PCDHA1: variants seen among roughly 807,000 people sequenced by gnomAD.
PCDHA1 encodes the protein protocadherin alpha 1.
Under a neutral mutation model 61.3 loss-of-function variants are expected in PCDHA1, and 42 were observed. The ratio of observed to expected loss-of-function variants is 0.69; its 90% CI spans 0.54 to 0.89. The LOEUF is 0.89. Among genes scored for constraint, PCDHA1 ranks in the 40% least tolerant of loss-of-function variants. PCDHA1 has a pLI of 0.00. For missense variants in PCDHA1, 1,256 were observed against 1,235.3 expected (o/e 1.02, Z -0.25); for synonymous variants, 610 against 553.8 (o/e 1.10, Z -1.43).
At chr5:140,864,390 A>G (rs1314124193) in intron 1 of PCDHA1, 1 of 152,190 alleles carries the variant, frequency 6.6e-6, no homozygotes. Flanking sequence ...ATCTCTCACA[A>G]ATGGTGATGA....
intron 1 of PCDHA1, chr5:140,836,354 C>A (rs2150258506): frequency 1.2e-6 from 2 of 1,613,672 alleles, no homozygotes; most frequent in Admixed American, 3.3e-5. Flanking sequence ...ACGGGGAGCC[C>A]TCGCTGACAG....
At chr5:140,983,340 A>G (rs148799902) in intron 3 of PCDHA1, among the ~76,000 whole-genome samples, 114 of 152,358 alleles carry the variant, frequency 7.5e-4, no homozygotes, top group African/African-American at 2.2e-3. Flanking sequence ...TCACTAAAGC[A>G]GGGTCATGTA....
chr5:140,918,003 T>A (rs1223893662), intron 1 of PCDHA1, among the ~76,000 whole-genome samples: 1 of 152,216 alleles, frequency 6.6e-6, no homozygotes, highest in African/African-American at 2.4e-5. Flanking sequence ...ATCTTAACAA[T>A]GTTGTTTCTT....
At chr5:140,924,839 G>A (rs1049952478) in intron 1 of PCDHA1, among the ~76,000 whole-genome samples, 3 of 150,922 alleles carry the variant, frequency 2.0e-5, no homozygotes, top group Non-Finnish European at 4.4e-5. Context: ...AGGTTGCAGG[G>A]AGCTCAGATC....
At chr5:140,876,859 T>A in intron 1 of PCDHA1, 1 of 1,614,068 alleles carries the variant, frequency 6.2e-7, no homozygotes, top group Non-Finnish European at 8.5e-7. Flanking sequence ...GTACACAGTG[T>A]TCGTGAAGGA....
intron 1 of PCDHA1, among the ~76,000 whole-genome samples, chr5:140,792,791 A>C (rs1174922304): frequency 6.6e-6 from 1 of 152,226 alleles, no homozygotes; most frequent in Non-Finnish European, 1.5e-5. Context: ...AATAATAATT[A>C]CTGGGTATCA....
intron 1 of PCDHA1, chr5:140,869,664 G>T: frequency 6.2e-7 from 1 of 1,613,474 alleles, no homozygotes; most frequent in Non-Finnish European, 8.5e-7. Flanking sequence ...CAAATGGTAA[G>T]CAGATTAAAA....
In PCDHA1 at chr5:141,010,336, G is replaced by A. The variant is rs1297379181; in HGVS notation, c.*399G>A. ...AGATTGAGCAGCTTGGGAGTTTGTG[G>A]CCACTGGGTATGTGTGGCTACCGCG... On this transcript the variant is annotated 3_prime_UTR_variant, in exon 4 of 4. Coordinates refer to ENST00000504120, the MANE Select transcript of PCDHA1 (RefSeq NM_018900.4). 25 of 1,535,806 alleles carry A rather than the reference G, an allele frequency of 1.6e-5. No individual in the cohort carries two copies. The highest frequency in any genetic ancestry group is 2.2e-5 in the Non-Finnish European group (25 of 1,141,450).
At chr5:140,895,165 T>C (rs28385500) in intron 1 of PCDHA1, among the ~76,000 whole-genome samples, 2,119 of 152,268 alleles carry the variant, frequency 0.014, 42 homozygotes, top group African/African-American at 0.049. Context: ...CACAATCCAA[T>C]CTATTTGTAG....
chr5:140,836,951 G>GT, intron 1 of PCDHA1: 1 of 428,426 alleles, frequency 2.3e-6, no homozygotes, highest in Non-Finnish European at 4.0e-6. Context: ...AAAATCTATG[G>GT]TTTATGTTGG....
At chr5:140,859,113 T>C (rs1042936960) in intron 1 of PCDHA1, 1 of 150,138 alleles carries the variant, frequency 6.7e-6, no homozygotes, top group Non-Finnish European at 1.5e-5. Context: ...CAGAAGAAAA[T>C]GTATGTTTCT....
Position 140,842,210 on chromosome 5 carries a change from C to T in PCDHA1, c.2394+53526C>T, listed in dbSNP as rs2150331831. ...GGTTATTGACCACTTTAGCATAGAT[C>T]GAAATACGGGAGAAATAGTGATTCG... is the stretch of plus-strand genomic sequence containing the variant. On this transcript the variant is annotated intron_variant, in intron 1 of 3. Transcript: ENST00000504120. 73 of 1,613,414 alleles carry T rather than the reference C, an allele frequency of 4.5e-5. 2 individuals are homozygous for T. The South Asian group carries it at 7.8e-4, about 17-fold the overall frequency.
At chr5:140,843,944 A>G in intron 1 of PCDHA1, 2 of 570,390 alleles carry the variant, frequency 3.5e-6, no homozygotes, top group Non-Finnish European at 6.2e-6. Flanking sequence ...GTTGGATGAT[A>G]TCCATTTTTT....
At chr5:140,859,289 A>G (rs2045796105) in intron 1 of PCDHA1, 1 of 129,084 alleles carries the variant, frequency 7.7e-6, no homozygotes, top group African/African-American at 2.7e-5. Context: ...GAGACTGAAA[A>G]TACTTTAGTA....
At position 140,787,247 on chromosome 5, in the gene PCDHA1, A is replaced by G. The variant is rs782317609; in HGVS notation, c.957A>G (p.Gln319=). ...DYEETKSYEI[Q]VKAVDKGSPP... is the part of the protein sequence containing the mutation. ...AAGAAACAAAATCCTACGAAATTCA[A>G]GTAAAGGCAGTTGATAAAGGAAGTC... The change falls in exon 1 of 4, where the codon CAA becomes CAG. Residue 319 remains glutamine (Q), a synonymous_variant. Coordinates refer to ENST00000504120, the MANE Select transcript of PCDHA1 (RefSeq NM_018900.4). 3 of 1,614,220 alleles carry G rather than the reference A, an allele frequency of 1.9e-6. No homozygotes were observed. Among genetic ancestry groups the G allele is most frequent in the Non-Finnish European group, 2.5e-6 (3 of 1,180,036 alleles).
chr5:140,869,189 G>T (rs1554162601), intron 1 of PCDHA1: 1 of 1,613,836 alleles, frequency 6.2e-7, no homozygotes, highest in African/African-American at 1.3e-5. Flanking sequence ...GTGGGGAGCG[G>T]CCAGCTCCAC....
intron 1 of PCDHA1, among the ~76,000 whole-genome samples, chr5:140,902,858 C>T (rs1275375548): frequency 6.6e-6 from 1 of 152,110 alleles, no homozygotes; most frequent in African/African-American, 2.4e-5. Context: ...AAATGGCGTC[C>T]AGGTCCACCC....
intron 1 of PCDHA1, among the ~76,000 whole-genome samples, chr5:140,921,897 A>G (rs1414353237): frequency 2.0e-5 from 3 of 152,124 alleles, no homozygotes; most frequent in Non-Finnish European, 2.9e-5. Flanking sequence ...AAAGGAGGAT[A>G]AATATATATT....
chr5:140,928,228 C>A (rs376517088), intron 1 of PCDHA1: 2 of 1,614,218 alleles, frequency 1.2e-6, no homozygotes, highest in Admixed American at 1.7e-5. Context: ...ACCAAACTTT[C>A]CTCAACCCCA....
Sources: gnomAD v4.1 joint callset for allele counts (sites outside exome capture counted in the v4.1 genomes callset) on GRCh38, gnomAD v4.1.1 for gene constraint, MANE v1.5 for transcripts, NCBI Gene and HGNC (gene_info 2026-07-23, HGNC 2026-07-21) for gene names.